TRAF3IP1: variants seen among roughly 807,000 people sequenced by gnomAD.
The protein encoded by TRAF3IP1 is TRAF3-interacting protein 1.
TRAF3IP1 carries 53 observed loss-of-function variants against 89.9 expected under a neutral mutation model. That is an observed-to-expected ratio of 0.59 (90% confidence interval 0.47 to 0.74). The LOEUF is 0.74. Among genes scored for constraint, TRAF3IP1 ranks in the 30% least tolerant of loss-of-function variants. TRAF3IP1 has a pLI of 0.00. For missense variants in TRAF3IP1, 806 were observed against 866.1 expected (o/e 0.93, Z 0.87); for synonymous variants, 311 against 322.1 (o/e 0.97, Z 0.37).
chr2:238,348,679 C>A, intron 10 of TRAF3IP1, 85 bp from the exon 11 acceptor site: 1 of 1,192,902 alleles, frequency 8.4e-7, no homozygotes, highest in Non-Finnish European at 1.2e-6. Flanking sequence ...CAAATAACTG[C>A]AAATACAGAT....
At chr2:238,386,558 C>T (rs1700782322) in intron 15 of TRAF3IP1, among the ~76,000 whole-genome samples, 1 of 152,132 alleles carries the variant, frequency 6.6e-6, no homozygotes, top group Non-Finnish European at 1.5e-5. Flanking sequence ...GGTGATCTGC[C>T]CACCTGGGCC....
intron 5 of TRAF3IP1, among the ~76,000 whole-genome samples, chr2:238,331,887 C>T (rs1023751237): frequency 3.3e-5 from 5 of 152,192 alleles, no homozygotes; most frequent in Non-Finnish European, 7.3e-5. Context: ...TTGTCCTCTT[C>T]CCCATTTTAT....
intron 15 of TRAF3IP1, among the ~76,000 whole-genome samples, chr2:238,378,255 A>C (rs1700402499): frequency 6.6e-6 from 1 of 152,134 alleles, no homozygotes; most frequent in Non-Finnish European, 1.5e-5. Context: ...CACCTAAGTT[A>C]CTAGTTTTTA....
At chr2:238,333,323 A>G (rs1350546960) in intron 6 of TRAF3IP1, among the ~76,000 whole-genome samples, 3 of 152,112 alleles carry the variant, frequency 2.0e-5, no homozygotes, top group South Asian at 2.1e-4. Flanking sequence ...GGGGCTGGGT[A>G]TGGTAGAAGC....
chr2:238,346,729 C>T lies in TRAF3IP1; in HGVS notation c.1262-726C>T, dbSNP rs115319117. Among the ~76,000 whole-genome samples, 430 of 152,322 alleles carry T rather than the reference C, an allele frequency of 2.8e-3. 1 individual carries two copies. Among genetic ancestry groups the T allele is most frequent in the African/African-American group, 9.8e-3 (407 of 41,568 alleles). On this transcript the variant is annotated intron_variant, in intron 9 of 16. Coordinates refer to ENST00000373327, the MANE Select transcript of TRAF3IP1 (RefSeq NM_015650.4). ...GCTGCATCAGGCCCTGCTGCCTCCT[C>T]TCTGCCGTATAGTGTGCTGGGCTGT...
At chr2:238,347,388 T>TG in intron 9 of TRAF3IP1, 67 bp from the exon 10 acceptor site, 1 of 1,545,186 alleles carries the variant, frequency 6.5e-7, no homozygotes, top group East Asian at 2.2e-5. Flanking sequence ...TCCAATTCTG[T>TG]TCTCATCATT....
chr2:238,342,303 A>G (rs909329834), intron 8 of TRAF3IP1, among the ~76,000 whole-genome samples: 1 of 152,142 alleles, frequency 6.6e-6, no homozygotes, highest in Admixed American at 6.5e-5. Context: ...TTTTCATTTT[A>G]TAAGTGCATT....
intron 15 of TRAF3IP1, among the ~76,000 whole-genome samples, chr2:238,376,199 A>G (rs1315490843): frequency 6.6e-6 from 1 of 152,238 alleles, no homozygotes. Context: ...TTATTTATTT[A>G]TGGACACTGA....
intron 12 of TRAF3IP1, among the ~76,000 whole-genome samples, chr2:238,349,919 A>G (rs1242458807): frequency 6.6e-6 from 1 of 152,050 alleles, no homozygotes; most frequent in Non-Finnish European, 1.5e-5. Flanking sequence ...AAAAATACAA[A>G]AGTTAGCTGG....
intron 7 of TRAF3IP1, 94 bp downstream of exon 7, chr2:238,334,129 T>C: frequency 1.0e-6 from 1 of 956,630 alleles, no homozygotes; most frequent in Non-Finnish European, 1.6e-6. Context: ...AGAACTCCTA[T>C]GGCTGGAAAA....
In TRAF3IP1 at chr2:238,344,497, G is replaced by A. The variant is rs772259614; in HGVS notation, c.1160G>A (p.Gly387Glu). 3 of 1,613,374 alleles carry A rather than the reference G, an allele frequency of 1.9e-6. No homozygotes were observed. The highest frequency in any genetic ancestry group is 2.5e-6 in the Non-Finnish European group (3 of 1,179,360). Residue 387 changes from glycine (G) to glutamate (E), a missense_variant and splice_region_variant, in exon 9 of 17, where the codon GGA (glycine) becomes GAA (glutamate). Gly to Glu is a moderately conservative substitution (Grantham distance 98, BLOSUM62 -2). Coordinates refer to ENST00000373327, the MANE Select transcript of TRAF3IP1 (RefSeq NM_015650.4). ...CTAATTTTAAACTGTTTTATGTCAG[G>A]AACAAAAGAAGCTAATATTAACTCA... is the stretch of plus-strand genomic sequence containing the variant. The part of the protein sequence containing the change: ...PNQETTTSEI[G>E]TKEANINSTS...
chr2:238,346,118 C>G (rs1698882621), intron 9 of TRAF3IP1, among the ~76,000 whole-genome samples: 1 of 152,124 alleles, frequency 6.6e-6, no homozygotes, highest in Non-Finnish European at 1.5e-5. Flanking sequence ...TGCCTGCCCC[C>G]AGGTCGCACG....
intron 10 of TRAF3IP1, among the ~76,000 whole-genome samples, chr2:238,347,919 G>A (rs909422464): frequency 1.4e-4 from 22 of 152,182 alleles, no homozygotes; most frequent in African/African-American, 4.8e-4. Context: ...GAGTTACTGC[G>A]CCTGGCCAAC....
At chr2:238,389,108 T>A (rs931840592) in intron 15 of TRAF3IP1, among the ~76,000 whole-genome samples, 2 of 151,964 alleles carry the variant, frequency 1.3e-5, no homozygotes, top group African/African-American at 4.8e-5. Context: ...TGCTCAGGAG[T>A]GTGGCTGAGC....
intron 14 of TRAF3IP1, among the ~76,000 whole-genome samples, chr2:238,355,257 A>G (rs1434922023): frequency 6.6e-6 from 1 of 151,002 alleles, no homozygotes; most frequent in Non-Finnish European, 1.5e-5. Context: ...TCTACCCTCT[A>G]CTCTCCCTGT....
At chr2:238,367,021 G>A (rs1421558050) in intron 15 of TRAF3IP1, among the ~76,000 whole-genome samples, 7 of 151,610 alleles carry the variant, frequency 4.6e-5, no homozygotes, top group Non-Finnish European at 1.0e-4. Context: ...AAAATTAGCC[G>A]GGCGTGGTGG....
Position 238,348,791 on chromosome 2 carries a change from A to G in TRAF3IP1, c.1310A>G (p.Asp437Gly), listed in dbSNP as rs770323993. The change falls in exon 11 of 17, where the codon GAT becomes GGT. Residue 437 changes from aspartate (D) to glycine (G), a missense_variant. Asp to Gly is a moderately conservative substitution (Grantham distance 94). Around this residue, in one of 3 missense-constraint regions of TRAF3IP1, gnomAD observed 732 missense variants for 780.5 expected, o/e 0.94. Coordinates refer to ENST00000373327, the MANE Select transcript of TRAF3IP1 (RefSeq NM_015650.4). ...AEGDAGPAGQ[D>G]KSEVPETPEI... ...GGAGATGCTGGACCTGCTGGCCAAG[A>G]TAAGTCTGAGGTGCCAGAGACTCCA... 3 of 1,614,056 alleles carry G rather than the reference A, an allele frequency of 1.9e-6. No individual in the cohort carries two copies. Among genetic ancestry groups the G allele is most frequent in the Non-Finnish European group, 2.5e-6 (3 of 1,180,030 alleles).
chr2:238,380,496 C>T (rs1224023057), intron 15 of TRAF3IP1, among the ~76,000 whole-genome samples: 1 of 152,154 alleles, frequency 6.6e-6, no homozygotes, highest in African/African-American at 2.4e-5. Flanking sequence ...TGCAGTATCC[C>T]CCTAACCGAT....
At chr2:238,377,230 C>CTTTTTTTTTT (rs71402784) in intron 15 of TRAF3IP1, among the ~76,000 whole-genome samples, 47 of 86,700 alleles carry the variant, frequency 5.4e-4, no homozygotes, top group Non-Finnish European at 6.1e-4. Context: ...TCCTGATTTT[C>CTTTTTTTTTT]TTTTTTTTTT....
Sources: allele counts gnomAD v4.1 joint callset (sites outside exome capture counted in the v4.1 genomes callset), GRCh38; gene constraint gnomAD v4.1.1; regional missense constraint gnomAD v4.1.1; transcripts MANE v1.5; gene names NCBI Gene and HGNC (gene_info 2026-07-23, HGNC 2026-07-21).